Variants in SLC10A7 observed in about 807,000 individuals in gnomAD.
The protein encoded by SLC10A7 is sodium/bile acid cotransporter 7.
SLC10A7 carries 29 observed loss-of-function variants against 43.2 expected under a neutral mutation model. The observed-to-expected ratio is 0.67, with a 90% confidence interval of 0.50 to 0.92. The LOEUF is 0.92. Among genes scored for constraint, SLC10A7 ranks in the 40% least tolerant of loss-of-function variants. The probability of loss-of-function intolerance (pLI) is 0.00; values close to 1 mark genes in which losing one functional copy is unlikely to be tolerated. For synonymous variants in SLC10A7, 152 were observed against 144.8 expected, an observed-to-expected ratio of 1.05 and a Z score of -0.35; for missense variants, 295 against 403.2, an observed-to-expected ratio of 0.73 and a Z score of 2.30.
intron 5 of SLC10A7, among the ~76,000 whole-genome samples, chr4:146,343,221 A>G (rs540584846): frequency 2.0e-5 from 3 of 151,912 alleles, no homozygotes; most frequent in African/African-American, 4.8e-5. Context: ...CTGTTTTTCT[A>G]TTTTCCCCAG....
intron 10 of SLC10A7, among the ~76,000 whole-genome samples, chr4:146,279,919 T>C (rs1229436897): frequency 2.0e-5 from 3 of 152,120 alleles, no homozygotes; most frequent in Non-Finnish European, 4.4e-5. Context: ...ATGAATCAAA[T>C]TCAGCATGTG....
At chr4:146,419,756 A>C (rs2149845587) in intron 5 of SLC10A7, among the ~76,000 whole-genome samples, 1 of 152,182 alleles carries the variant, frequency 6.6e-6, no homozygotes, top group East Asian at 1.9e-4. Flanking sequence ...GAATCGCTTG[A>C]GCCCAGGAGG....
At chr4:146,443,782 C>G (rs985259220) in intron 4 of SLC10A7, among the ~76,000 whole-genome samples, 1 of 152,192 alleles carries the variant, frequency 6.6e-6, no homozygotes, top group Non-Finnish European at 1.5e-5. Flanking sequence ...GAAGAGGATG[C>G]AATGAGAGTG....
intron 5 of SLC10A7, among the ~76,000 whole-genome samples, chr4:146,366,611 A>G (rs1231891690): frequency 6.6e-6 from 1 of 152,202 alleles, no homozygotes; most frequent in East Asian, 1.9e-4. Context: ...CGACATTATT[A>G]TACTTTTGAA....
At chr4:146,304,250 A>C (rs1292026185) in intron 7 of SLC10A7, among the ~76,000 whole-genome samples, 1 of 151,436 alleles carries the variant, frequency 6.6e-6, no homozygotes, top group Non-Finnish European at 1.5e-5. Flanking sequence ...TTACATGGTC[A>C]CAAACATAAC....
chr4:146,481,806 T>C (rs1399817912), intron 4 of SLC10A7, among the ~76,000 whole-genome samples: 1 of 152,168 alleles, frequency 6.6e-6, no homozygotes, highest in Non-Finnish European at 1.5e-5. Flanking sequence ...CCTGGATCCA[T>C]AGCCACCCTG....
chr4:146,518,086 T>C (rs1212887901), intron 1 of SLC10A7, among the ~76,000 whole-genome samples: 1 of 152,200 alleles, frequency 6.6e-6, no homozygotes, highest in African/African-American at 2.4e-5. Context: ...AGCATTCAAA[T>C]GTGTTAACAC....
intron 4 of SLC10A7, among the ~76,000 whole-genome samples, chr4:146,492,118 G>A (rs1485518113): frequency 3.3e-5 from 5 of 151,892 alleles, no homozygotes; most frequent in Non-Finnish European, 7.4e-5. Flanking sequence ...TACTTGGGAG[G>A]CTGAGGCAGG....
At chr4:146,351,496 C>A (rs1350866313) in intron 5 of SLC10A7, among the ~76,000 whole-genome samples, 6 of 149,734 alleles carry the variant, frequency 4.0e-5, no homozygotes, top group East Asian at 3.9e-4. Flanking sequence ...CCCAATCTAG[C>A]AAGGCAGGCC....
At position 146,491,807 on chromosome 4, in the gene SLC10A7, G is replaced by C. The variant is rs1735470193; in HGVS notation, c.396+12042C>G. 2.0e-5 allele frequency among the ~76,000 whole-genome samples: 3 copies of C among 152,078 alleles called. No homozygotes were observed. The South Asian group carries it at 6.2e-4, about 32-fold the overall frequency. ...TATCTTGGCACTAGATTAAAATGCA[G>C]CTCAGCCCACTCAATATATTCAGAC... On this transcript the variant is annotated intron_variant, in intron 4 of 11. Coordinates refer to ENST00000335472, the MANE Select transcript of SLC10A7 (RefSeq NM_001029998.6).
intron 5 of SLC10A7, among the ~76,000 whole-genome samples, chr4:146,373,746 A>T (rs939436204): frequency 6.6e-6 from 1 of 151,614 alleles, no homozygotes; most frequent in Admixed American, 6.6e-5. Flanking sequence ...CCAGAATCTT[A>T]ATTTAATCAG....
chr4:146,452,656 A>G (rs1369570598), intron 4 of SLC10A7, among the ~76,000 whole-genome samples: 1 of 152,116 alleles, frequency 6.6e-6, no homozygotes, highest in Non-Finnish European at 1.5e-5. Context: ...AAAAATTTGA[A>G]TTCTACATTT....
At chr4:146,415,212 G>A (rs939891798) in intron 5 of SLC10A7, among the ~76,000 whole-genome samples, 7 of 152,092 alleles carry the variant, frequency 4.6e-5, no homozygotes. Context: ...CTAACCTCTG[G>A]TTTAAAGTGG....
At position 146,441,686 on chromosome 4, in the gene SLC10A7, T is replaced by G. The variant is rs762624824; in HGVS notation, c.435+1097A>C. 14 of 985,042 alleles carry G rather than the reference T, an allele frequency of 1.4e-5. No homozygotes were observed. The Admixed American group carries it at 7.4e-4, about 52-fold the overall frequency. 61.0% of individuals were successfully genotyped at this position (985,042 alleles called of 1,614,324 possible). ...ATTATTTTTGTTAAACAGACTTTAT[T>G]GTCTAAAACCCAGAAGTAATACAGC... On this transcript the variant is annotated intron_variant, in intron 5 of 11. Transcript: ENST00000335472.
chr4:146,497,542 G>A (rs981710927), intron 4 of SLC10A7, among the ~76,000 whole-genome samples: 15 of 152,178 alleles, frequency 9.9e-5, no homozygotes, highest in Admixed American at 2.0e-4. Flanking sequence ...TTACTTGGAC[G>A]TTAAGGCTTC....
At chr4:146,520,032 G>C (rs1223307431) in intron 1 of SLC10A7, among the ~76,000 whole-genome samples, 1 of 152,064 alleles carries the variant, frequency 6.6e-6, no homozygotes, top group South Asian at 2.1e-4. Flanking sequence ...AAAGCCCCAC[G>C]GAAATGATTC....
chr4:146,405,446 G>C (rs1251555160), intron 5 of SLC10A7, among the ~76,000 whole-genome samples: 2 of 152,144 alleles, frequency 1.3e-5, no homozygotes, highest in Non-Finnish European at 2.9e-5. Flanking sequence ...TGAAGTCAGA[G>C]AAATGATGAA....
intron 4 of SLC10A7, among the ~76,000 whole-genome samples, chr4:146,453,891 T>C (rs1031896263): frequency 6.6e-6 from 1 of 151,952 alleles, no homozygotes; most frequent in Admixed American, 6.6e-5. Flanking sequence ...TTTCACAATA[T>C]GCATGGGGCA....
intron 5 of SLC10A7, among the ~76,000 whole-genome samples, chr4:146,429,452 A>T (rs1729610044): frequency 6.6e-6 from 1 of 152,220 alleles, no homozygotes; most frequent in Non-Finnish European, 1.5e-5. Context: ...TTGAAGATAG[A>T]TAGAGTAGTG....
Sources: gnomAD v4.1 joint callset for allele counts (sites outside exome capture counted in the v4.1 genomes callset) on GRCh38, gnomAD v4.1.1 for gene constraint, MANE v1.5 for transcripts, NCBI Gene and HGNC (gene_info 2026-07-23, HGNC 2026-07-21) for gene names.